GPR158: variants seen among roughly 807,000 people sequenced by gnomAD.
The protein encoded by GPR158 is metabotropic glycine receptor.
In GPR158, 30 loss-of-function variants were observed where a neutral mutation model predicts 78.2. The ratio of observed to expected loss-of-function variants is 0.38; its 90% CI spans 0.29 to 0.52. The LOEUF is 0.52. Ranked by LOEUF, GPR158 falls within the 20% of genes least tolerant of loss-of-function variation. GPR158 has a pLI of 0.83. For synonymous variants in GPR158, 581 were observed against 591.1 expected (o/e 0.98, Z 0.25); for missense variants, 1,463 against 1,523.5 (o/e 0.96, Z 0.66).
At chr10:25,519,283 G>T (rs936496532) in intron 5 of GPR158, among the ~76,000 whole-genome samples, 1 of 141,538 alleles carries the variant, frequency 7.1e-6, no homozygotes, top group African/African-American at 2.8e-5. Context: ...ACGTGAGATG[G>T]GTTTCCTGAA....
At chr10:25,471,813 G>T (rs1312974594) in intron 5 of GPR158, among the ~76,000 whole-genome samples, 9 of 152,066 alleles carry the variant, frequency 5.9e-5, no homozygotes, top group African/African-American at 1.9e-4. Context: ...GGGGTTGTTT[G>T]TTTTTTTCTT....
At chr10:25,497,849 C>T (rs997286156) in intron 5 of GPR158, among the ~76,000 whole-genome samples, 1 of 151,974 alleles carries the variant, frequency 6.6e-6, no homozygotes, top group African/African-American at 2.4e-5. Context: ...ATTATGGAGA[C>T]CTTTTTATTT....
intron 5 of GPR158, among the ~76,000 whole-genome samples, chr10:25,546,623 T>C (rs768295554): frequency 1.5e-4 from 23 of 152,174 alleles, no homozygotes; most frequent in Non-Finnish European, 2.9e-4. Context: ...TTTCCTTTCA[T>C]CCAAGAAATA....
chr10:25,434,343 A>T (rs1044925762), intron 4 of GPR158, among the ~76,000 whole-genome samples: 1 of 152,196 alleles, frequency 6.6e-6, no homozygotes, highest in Non-Finnish European at 1.5e-5. Context: ...CTCTTGAGGT[A>T]CTTATATTTA....
At chr10:25,336,906 A>G (rs115904894) in intron 2 of GPR158, among the ~76,000 whole-genome samples, 1 of 152,120 alleles carries the variant, frequency 6.6e-6, no homozygotes, top group East Asian at 1.9e-4. Context: ...CAGTTGTGTC[A>G]GTCAGCCTTT....
intron 2 of GPR158, among the ~76,000 whole-genome samples, chr10:25,270,320 A>G (rs777754732): frequency 1.4e-4 from 22 of 152,138 alleles, no homozygotes; most frequent in Non-Finnish European, 3.1e-4. Flanking sequence ...TTTCACCTGA[A>G]CAGTTTGATT....
intron 2 of GPR158, among the ~76,000 whole-genome samples, chr10:25,276,186 A>G (rs1854180621): frequency 6.6e-6 from 1 of 152,200 alleles, no homozygotes; most frequent in African/African-American, 2.4e-5. Context: ...GGTACATTTA[A>G]TTAGCATTTA....
At chr10:25,184,785 G>A (rs938224300) in intron 1 of GPR158, among the ~76,000 whole-genome samples, 2 of 152,180 alleles carry the variant, frequency 1.3e-5, no homozygotes, top group African/African-American at 4.8e-5. Context: ...TTCTTATGTA[G>A]CAATGTAACC....
chr10:25,420,477 G>A (rs959951919), intron 4 of GPR158, among the ~76,000 whole-genome samples: 1 of 152,056 alleles, frequency 6.6e-6, no homozygotes, highest in African/African-American at 2.4e-5. Flanking sequence ...TTTTGATGAA[G>A]TGTATCTATT....
intron 7 of GPR158, among the ~76,000 whole-genome samples, chr10:25,580,566 A>G (rs1001688873): frequency 8.7e-6 from 1 of 114,764 alleles, no homozygotes; most frequent in African/African-American, 5.2e-5. Context: ...GAAATGTGAT[A>G]TAAGTGCCAT....
intron 5 of GPR158, among the ~76,000 whole-genome samples, chr10:25,534,822 C>A (rs887978796): frequency 6.6e-6 from 1 of 152,064 alleles, no homozygotes; most frequent in African/African-American, 2.4e-5. Flanking sequence ...TTACATCTCC[C>A]ACCTCAACAT....
intron 5 of GPR158, among the ~76,000 whole-genome samples, chr10:25,474,518 A>G (rs1273993437): frequency 6.6e-6 from 1 of 152,024 alleles, no homozygotes; most frequent in Non-Finnish European, 1.5e-5. Context: ...TCGACCCCTA[A>G]TCTGAGTCAG....
chr10:25,333,348 C>T (rs1855154378), intron 2 of GPR158, among the ~76,000 whole-genome samples: 1 of 152,164 alleles, frequency 6.6e-6, no homozygotes, highest in African/African-American at 2.4e-5. Flanking sequence ...GCCCACACTT[C>T]TGCATGTGGT....
chr10:25,479,713 C>A (rs1053454650), intron 5 of GPR158, among the ~76,000 whole-genome samples: 4 of 152,020 alleles, frequency 2.6e-5, no homozygotes, highest in African/African-American at 9.7e-5. Context: ...CCACGCCCGG[C>A]CTGAATTTAT....
intron 6 of GPR158, among the ~76,000 whole-genome samples, chr10:25,553,366 G>T (rs977967721): frequency 1.3e-5 from 2 of 152,128 alleles, no homozygotes; most frequent in African/African-American, 4.8e-5. Flanking sequence ...TCATTGCAGT[G>T]AAGAGTTTCT....
chr10:25,479,801 T>TA (rs1011585579), intron 5 of GPR158, among the ~76,000 whole-genome samples: 1 of 152,166 alleles, frequency 6.6e-6, no homozygotes, highest in Non-Finnish European at 1.5e-5. Context: ...TTCTAGATTT[T>TA]AAAAAAATTA....
intron 2 of GPR158, among the ~76,000 whole-genome samples, chr10:25,322,871 G>A (rs958022910): frequency 2.6e-5 from 4 of 152,054 alleles, no homozygotes; most frequent in Non-Finnish European, 5.9e-5. Flanking sequence ...TTTTGAGATG[G>A]AGTCTCGCTC....
intron 2 of GPR158, among the ~76,000 whole-genome samples, chr10:25,347,336 T>C (rs1421194119): frequency 1.3e-5 from 2 of 151,968 alleles, no homozygotes; most frequent in African/African-American, 2.4e-5. Flanking sequence ...CACAAGAGGT[T>C]CTCTACTTCT....
intron 2 of GPR158, among the ~76,000 whole-genome samples, chr10:25,261,116 C>T (rs1353357303): frequency 6.6e-6 from 1 of 152,120 alleles, no homozygotes; most frequent in Non-Finnish European, 1.5e-5. Flanking sequence ...AATCCTGATG[C>T]TCGGGCCACA....
Sources: allele counts gnomAD v4.1 joint callset (sites outside exome capture counted in the v4.1 genomes callset), GRCh38; gene constraint gnomAD v4.1.1; transcripts MANE v1.5; gene names NCBI Gene and HGNC (gene_info 2026-07-23, HGNC 2026-07-21).